Variants in CYP3A7 observed in about 807,000 individuals in gnomAD.
CYP3A7 encodes the protein cytochrome P450 family 3 subfamily A member 7.
Under a neutral mutation model 55.2 loss-of-function variants are expected in CYP3A7, and 45 were observed. The observed-to-expected ratio is 0.82, with a 90% CI of 0.64 to 1.05. The LOEUF is 1.05. Among genes scored for constraint, CYP3A7 ranks in the 50% least tolerant of loss-of-function variants. The pLI is 0.00. For synonymous variants in CYP3A7, 180 were observed against 207.4 expected, an observed-to-expected ratio of 0.87 and a Z score of 1.13; for missense variants, 548 against 605.3, an observed-to-expected ratio of 0.91 and a Z score of 0.99.
At chr7:99,708,378 A>G (rs1165295781) in intron 11 of CYP3A7, among the ~76,000 whole-genome samples, 2 of 152,108 alleles carry the variant, frequency 1.3e-5, no homozygotes, top group African/African-American at 4.8e-5. Context: ...GTCTTGCACT[A>G]CTTCAAAATT....
In CYP3A7 at chr7:99,710,754, A is replaced by T. The variant is rs778224174; in HGVS notation, c.1004T>A (p.Ile335Asn). ...PDVQQKVQKE[I>N]DTVLPNKAPP... is the part of the protein sequence containing the mutation. ...CACCTTATTGGGTAAAACTGTATCA[A>T]TTTCCTTCTGCACTTTCTGCTGGAC... The change falls in exon 10 of 13, where the codon ATT (isoleucine) becomes AAT (asparagine). Residue 335 changes from isoleucine to asparagine, a missense_variant. Coordinates refer to ENST00000336374, the MANE Select transcript of CYP3A7 (RefSeq NM_000765.5). 1 of 1,613,890 alleles carries T rather than the reference A, an allele frequency of 6.2e-7. No homozygotes were observed. Among genetic ancestry groups the T allele is most frequent in the Non-Finnish European group, 8.5e-7 (1 of 1,179,862 alleles).
At chr7:99,718,768 C>T (rs1814070422) in intron 4 of CYP3A7, among the ~76,000 whole-genome samples, 1 of 152,130 alleles carries the variant, frequency 6.6e-6, no homozygotes, top group Non-Finnish European at 1.5e-5. Flanking sequence ...CAAGAATATA[C>T]AAAAAGACTT....
Position 99,705,482 on chromosome 7 carries a change from C to T in CYP3A7, c.*18G>A. ...GGCACAGCTTTCTTAAAGAGCAAAC[C>T]AGAAGTCCTTAGGGAAATCAGGCTC... On this transcript the variant is annotated 3_prime_UTR_variant, in exon 13 of 13. Transcript: ENST00000336374. The T allele has an allele frequency of 6.2e-7, 1 of 1,612,602 alleles. No homozygotes were observed. The highest frequency in any genetic ancestry group is 8.5e-7 in the Non-Finnish European group (1 of 1,178,976).
rs757127778 is a variant in CYP3A7 at position 99,717,205 on chromosome 7, C to G, written c.493G>C (p.Glu165Gln). 7 of 1,613,966 alleles carry G rather than the reference C, an allele frequency of 4.3e-6. No homozygotes were observed. The East Asian group carries it at 1.3e-4, about 31-fold the overall frequency. The change falls in exon 6 of 13, where the codon GAG becomes CAG. Residue 165 changes from glutamate (E) to glutamine (Q), a missense_variant. Transcript: ENST00000336374. ...TTCAAGGTGACAGGCTTGCCTGTCT[C>G]TGCTTCCCGCCTCAGATTTCTCACC... Reference protein sequence around the residue: ...VLVRNLRREAETGKPVTLKHV... With the variant: ...VLVRNLRREAQTGKPVTLKHV...
At chr7:99,710,159 G>T (rs1813695529) in intron 10 of CYP3A7, among the ~76,000 whole-genome samples, 1 of 152,118 alleles carries the variant, frequency 6.6e-6, no homozygotes, top group African/African-American at 2.4e-5. Flanking sequence ...TCCAAGTTTT[G>T]GCAGAGGTCT....
intron 11 of CYP3A7, 113 bp downstream of exon 11, chr7:99,708,922 A>T: frequency 1.6e-6 from 2 of 1,257,908 alleles, no homozygotes; most frequent in Non-Finnish European, 2.3e-6. Context: ...AAAACCTTTT[A>T]AACATAAAAA....
At chr7:99,728,686 T>A (rs2687135) in intron 2 of CYP3A7, among the ~76,000 whole-genome samples, 4 of 152,058 alleles carry the variant, frequency 2.6e-5, no homozygotes, top group African/African-American at 7.2e-5. Flanking sequence ...CAAATGGGAC[T>A]GAACAACTTC....
chr7:99,709,163 C>T lies in CYP3A7; in HGVS notation c.1125G>A (p.Arg375=), dbSNP rs767055320. 12 of 1,613,910 alleles carry T rather than the reference C, an allele frequency of 7.4e-6. No homozygotes were observed. In the South Asian group the frequency reaches 1.2e-4, roughly 16 times the overall value. The change falls in exon 11 of 13, where the codon AGG becomes AGA. Residue 375 remains arginine (R), a synonymous_variant. Transcript: ENST00000336374. The stretch of plus-strand genomic sequence containing the variant: ...TGATTTCAACATCTTTTTTGCAGAC[C>T]CTCTCAAGTCTCATAGCAACTGGGA... ...RLFPVAMRLE[R]VCKKDVEING...
At chr7:99,730,988 A>G (rs1348178345) in intron 2 of CYP3A7, 71 bp downstream of exon 2, 2 of 1,584,174 alleles carry the variant, frequency 1.3e-6, no homozygotes, top group Middle Eastern at 1.7e-4. Flanking sequence ...GAGGAGAAGC[A>G]TTTTTACTGA....
chr7:99,707,789 A>G (rs374481765), intron 12 of CYP3A7, 23 bp downstream of exon 12: 4 of 1,613,480 alleles, frequency 2.5e-6, no homozygotes, highest in African/African-American at 2.7e-5. Context: ...ATAAAACATT[A>G]TTAATGCAGA....
intron 1 of CYP3A7, among the ~76,000 whole-genome samples, chr7:99,733,737 G>T (rs1814719196): frequency 6.6e-6 from 1 of 152,156 alleles, no homozygotes; most frequent in African/African-American, 2.4e-5. Context: ...ACCCTGAGGG[G>T]TAAGGAATAT....
At chr7:99,709,382 G>T in intron 10 of CYP3A7, 121 bp from the exon 11 acceptor site, 8 of 1,426,578 alleles carry the variant, frequency 5.6e-6, no homozygotes, top group Non-Finnish European at 6.7e-6. Flanking sequence ...GCAAAGGATT[G>T]TAGCATTCAT....
At chr7:99,729,797 C>T (rs1368111511) in intron 2 of CYP3A7, among the ~76,000 whole-genome samples, 1 of 152,168 alleles carries the variant, frequency 6.6e-6, no homozygotes, top group East Asian at 1.9e-4. Flanking sequence ...TTACCCCACT[C>T]CTATAAAACT....
At chr7:99,711,552 C>G (rs1194185465) in intron 9 of CYP3A7, among the ~76,000 whole-genome samples, 1 of 152,024 alleles carries the variant, frequency 6.6e-6, no homozygotes, top group African/African-American at 2.4e-5. Context: ...GTGGATCACC[C>G]GAGGTCAGGA....
At chr7:99,717,120 C>T in intron 6 of CYP3A7, 57 bp downstream of exon 6, 3 of 1,607,006 alleles carry the variant, frequency 1.9e-6, no homozygotes, top group Non-Finnish European at 2.6e-6. Context: ...AGCTCCATAG[C>T]AGGCAGCTGG....
chr7:99,734,141 G>A (rs529774361), intron 1 of CYP3A7, among the ~76,000 whole-genome samples: 1 of 152,350 alleles, frequency 6.6e-6, no homozygotes, highest in African/African-American at 2.4e-5. Flanking sequence ...CCAGTAGATG[G>A]AAACTATGTT....
intron 7 of CYP3A7, 65 bp downstream of exon 7, chr7:99,715,693 T>A: frequency 1.2e-6 from 2 of 1,610,840 alleles, no homozygotes; most frequent in Non-Finnish European, 8.5e-7. Context: ...CATGGTGATT[T>A]ACATCTCAAT....
chr7:99,710,604 C>T, intron 10 of CYP3A7, 128 bp downstream of exon 10: 1 of 1,513,336 alleles, frequency 6.6e-7, no homozygotes, highest in Admixed American at 2.1e-5. Context: ...TTTTGAGAGC[C>T]TTCCTACATA....
intron 10 of CYP3A7, 108 bp downstream of exon 10, chr7:99,710,624 A>T (rs1813711393): frequency 6.4e-7 from 1 of 1,574,212 alleles, no homozygotes; most frequent in Non-Finnish European, 8.6e-7. Flanking sequence ...ATTGTGAATG[A>T]AACAATCATG....
Sources: allele counts gnomAD v4.1 joint callset (sites outside exome capture counted in the v4.1 genomes callset), GRCh38; gene constraint gnomAD v4.1.1; transcripts MANE v1.5; gene names NCBI Gene and HGNC (gene_info 2026-07-23, HGNC 2026-07-21).